Variants in HNRNPA2B1 observed in about 807,000 individuals in gnomAD.
HNRNPA2B1 encodes the protein heterogeneous nuclear ribonucleoprotein A2/B1.
In HNRNPA2B1, 3 loss-of-function variants were observed where a neutral mutation model predicts 46.3. The observed-to-expected ratio is 0.06, with a 90% confidence interval of 0.03 to 0.17. The LOEUF (loss-of-function observed/expected upper bound fraction) is 0.17. Ranked by LOEUF, HNRNPA2B1 falls within the 10% of genes least tolerant of loss-of-function variation. The pLI, the probability that HNRNPA2B1 is intolerant of heterozygous loss-of-function variation, is 1.00. For missense variants in HNRNPA2B1, 221 were observed against 418.9 expected (o/e 0.53, Z 4.12); for synonymous variants, 225 against 133.8 (o/e 1.68, Z -4.70).
In HNRNPA2B1 at chr7:26,192,016, A is replaced by C. The variant is rs1782966015; in HGVS notation, c.*344T>G. 6.5e-6 allele frequency: 1 copy of C among 152,848 alleles called. No homozygotes were observed. 9.5% of individuals were successfully genotyped at this position (152,848 alleles called of 1,614,324 possible). On this transcript the variant is annotated 3_prime_UTR_variant, in exon 11 of 11. Transcript: ENST00000618183. Reference sequence around the variant, plus strand: ...TAAAAAAGGTTTCACATGTCACCTGAAACTTACAAATTTAACATTATCAAA... The same window carrying C: ...TAAAAAAGGTTTCACATGTCACCTGCAACTTACAAATTTAACATTATCAAA...
At position 26,192,592 on chromosome 7, in the gene HNRNPA2B1, A is replaced by G. The variant is rs748624254; in HGVS notation, c.965-15T>C. Reference sequence around the variant, plus strand: ...ACCATAGTTTCCTATAATTGTTGGAACAGCAAGAGAAAACAAACTTACTTT... The same window carrying G: ...ACCATAGTTTCCTATAATTGTTGGAGCAGCAAGAGAAAACAAACTTACTTT... On this transcript the variant is annotated splice_polypyrimidine_tract_variant and intron_variant, in intron 9 of 10. Coordinates refer to ENST00000618183, the MANE Select transcript of HNRNPA2B1 (RefSeq NM_002137.4). 1.9e-6 allele frequency: 3 copies of G among 1,611,856 alleles called. No homozygotes were observed. The African/African-American group carries it at 4.0e-5, about 22-fold the overall frequency.
chr7:26,195,064 G>C (rs1194337611), intron 7 of HNRNPA2B1, among the ~76,000 whole-genome samples: 1 of 131,524 alleles, frequency 7.6e-6, no homozygotes, highest in Non-Finnish European at 1.5e-5. Context: ...CTACACTCCA[G>C]CCTGGGTGAC....
chr7:26,197,052 G>GA (rs757454529), intron 3 of HNRNPA2B1, 35 bp from the exon 4 acceptor site: 224 of 1,516,438 alleles, frequency 1.5e-4, no homozygotes, highest in Non-Finnish European at 2.0e-4. Flanking sequence ...CATCCAAACA[G>GA]AAAAAAACAC....
In HNRNPA2B1 at chr7:26,191,290, T is replaced by G. The variant is rs1246793724; in HGVS notation, c.*1070A>C. ...GTTTATAAAAATTATTCTCTTGAGTTTATAAATTGTTAAACTCAATTTATA... is the reference window on the plus strand; with the variant it reads ...GTTTATAAAAATTATTCTCTTGAGTGTATAAATTGTTAAACTCAATTTATA... On this transcript the variant is annotated 3_prime_UTR_variant, in exon 11 of 11. Transcript: ENST00000618183. 6.6e-6 allele frequency: 1 copy of G among 152,324 alleles called. No individual in the cohort carries two copies. The highest frequency in any genetic ancestry group is 1.9e-4 in the East Asian group (1 of 5,188). 9.4% of individuals were successfully genotyped at this position (152,324 alleles called of 1,614,324 possible). A position where few individuals can be genotyped will look rare whatever the true frequency, so the allele number is the denominator to read the frequency against.
In HNRNPA2B1 at chr7:26,192,500, G is replaced by A. The variant is rs150895465; in HGVS notation, c.*16C>T. 8 of 1,606,038 alleles carry A rather than the reference G, an allele frequency of 5.0e-6. No homozygotes were observed. The African/African-American group carries it at 1.1e-4, about 21-fold the overall frequency. ...AAAACTCAAAAGCTACTTACCCATGGCAAATAGGAAGAAGCTCAGTATCGG... is the reference window on the plus strand; with the variant it reads ...AAAACTCAAAAGCTACTTACCCATGACAAATAGGAAGAAGCTCAGTATCGG... On this transcript the variant is annotated 3_prime_UTR_variant, in exon 10 of 11. Transcript: ENST00000618183.
rs750452754 is a variant in HNRNPA2B1 at position 26,197,299 on chromosome 7, G to A, written c.264+16C>T. 1.1e-5 allele frequency: 17 copies of A among 1,598,946 alleles called. No individual in the cohort carries two copies. In the East Asian group the frequency reaches 1.6e-4, roughly 15 times the overall value. On this transcript the variant is annotated intron_variant, in intron 3 of 10. Transcript: ENST00000618183. ...GTTCTTCATGTTAATGCACAAGACA[G>A]TCATTGTTTGCTTACCTCTCTTGCT...
intron 1 of HNRNPA2B1, 100 bp downstream of exon 1, chr7:26,200,472 T>G (rs1584019928): frequency 8.2e-7 from 1 of 1,216,238 alleles, no homozygotes; most frequent in Non-Finnish European, 1.2e-6. Flanking sequence ...TGGTCCGATT[T>G]CCTGCCTCTC....
At chr7:26,194,803 A>AT (rs1242283516) in intron 7 of HNRNPA2B1, among the ~76,000 whole-genome samples, 1 of 151,800 alleles carries the variant, frequency 6.6e-6, no homozygotes, top group South Asian at 2.1e-4. Context: ...AAAAATAAAA[A>AT]AAAAAAAAAG....
chr7:26,196,510 G>C (rs751151694), intron 5 of HNRNPA2B1, 29 bp from the exon 6 acceptor site: 1 of 1,613,278 alleles, frequency 6.2e-7, no homozygotes, highest in South Asian at 1.1e-5. Context: ...TTAGAAGCAA[G>C]CCCTTATATA....
intron 5 of HNRNPA2B1, 26 bp downstream of exon 5, chr7:26,196,531 T>C (rs1254680482): frequency 2.5e-6 from 4 of 1,612,164 alleles, no homozygotes; most frequent in East Asian, 4.5e-5. Context: ...TGAACAAAAA[T>C]AAAGAAGAAA....
In HNRNPA2B1 at chr7:26,197,485, T is replaced by C. The variant is rs781573719; in HGVS notation, c.118-24A>G. ...ACCTTTCAAACCAAAGGGTAAACTTTAGCATTTAATCTCATTATAGCTTAT... is the reference window on the plus strand; with the variant it reads ...ACCTTTCAAACCAAAGGGTAAACTTCAGCATTTAATCTCATTATAGCTTAT... On this transcript the variant is annotated intron_variant, in intron 2 of 10. Coordinates refer to ENST00000618183, the MANE Select transcript of HNRNPA2B1 (RefSeq NM_002137.4). 8.1e-6 allele frequency: 13 copies of C among 1,610,290 alleles called. No homozygotes were observed. The East Asian group carries it at 2.5e-4, about 30-fold the overall frequency.
At chr7:26,194,598 G>A (rs967393005) in intron 7 of HNRNPA2B1, among the ~76,000 whole-genome samples, 2 of 151,534 alleles carry the variant, frequency 1.3e-5, no homozygotes, top group Non-Finnish European at 2.9e-5. Flanking sequence ...CTACCCAGGA[G>A]GCTGAGGTGG....
chr7:26,197,255 T>C, intron 3 of HNRNPA2B1, 60 bp downstream of exon 3: 5 of 1,517,274 alleles, frequency 3.3e-6, no homozygotes, highest in Non-Finnish European at 4.4e-6. Flanking sequence ...AAATAGTTTC[T>C]GATTTTCAGC....
At chr7:26,198,742 G>T (rs1029545415) in intron 1 of HNRNPA2B1, 13 of 152,244 alleles carry the variant, frequency 8.5e-5, no homozygotes, top group Non-Finnish European at 1.6e-4. Context: ...CCTCAAACGA[G>T]AGAAAGTGAT....
chr7:26,193,456 G>A (rs1384494036), intron 8 of HNRNPA2B1, 83 bp from the exon 9 acceptor site: 6 of 1,533,172 alleles, frequency 3.9e-6, no homozygotes, highest in Non-Finnish European at 4.4e-6. Flanking sequence ...ACAAATAAAA[G>A]CAAACACTTA....
In HNRNPA2B1 at chr7:26,193,556, T is replaced by TTGC; in HGVS notation, c.841+16_841+18dup. ...TTAATTCCAAATTCCCACATAAAGG[T>TTGC]TGCAGGTGAATTTATTACCTCCTCC... On this transcript the variant is annotated intron_variant, in intron 8 of 10. Coordinates refer to ENST00000618183, the MANE Select transcript of HNRNPA2B1 (RefSeq NM_002137.4). The TTGC allele has an allele frequency of 6.3e-7, 1 of 1,574,802 alleles. No homozygotes were observed. Among genetic ancestry groups the TTGC allele is most frequent in the Non-Finnish European group, 8.6e-7 (1 of 1,167,406 alleles).
chr7:26,195,808 T>C (rs1783528861), intron 7 of HNRNPA2B1, 39 bp downstream of exon 7: 30 of 1,600,860 alleles, frequency 1.9e-5, no homozygotes, highest in Non-Finnish European at 2.4e-5. Flanking sequence ...AGTTAAGTAT[T>C]AGTCACATAA....
At chr7:26,200,461 T>C (rs1193089957) in intron 1 of HNRNPA2B1, 111 bp downstream of exon 1, 15 of 1,060,822 alleles carry the variant, frequency 1.4e-5, no homozygotes, top group Admixed American at 3.4e-5. Context: ...TGCTACTGAA[T>C]TGGTCCGATT....
In HNRNPA2B1 at chr7:26,191,627, T is replaced by C. The variant is rs539369396; in HGVS notation, c.*733A>G. On this transcript the variant is annotated 3_prime_UTR_variant, in exon 11 of 11. Transcript: ENST00000618183. ...GCTGGGGTTATTTCCTTTCCTTGCA[T>C]TGAAGAAGCAGCATCTAAAAGATCT... The C allele has an allele frequency of 6.6e-6, 1 of 152,214 alleles. No individual in the cohort carries two copies. The highest frequency in any genetic ancestry group is 1.5e-5 in the Non-Finnish European group (1 of 68,024). The allele number at this position is 152,214 out of a possible 1,614,324, so 9.4% of individuals were successfully genotyped here. A position where few individuals can be genotyped will look rare whatever the true frequency, so the allele number is the denominator to read the frequency against.
Sources: gnomAD v4.1 joint callset for allele counts (sites outside exome capture counted in the v4.1 genomes callset) on GRCh38, gnomAD v4.1.1 for gene constraint, MANE v1.5 for transcripts, NCBI Gene and HGNC (gene_info 2026-07-23, HGNC 2026-07-21) for gene names.